The following RLN2 variants were observed in gnomAD, a reference collection of about 807,000 sequenced individuals.
RLN2 encodes the protein prorelaxin H2.
Under a neutral mutation model 7.3 loss-of-function variants are expected in RLN2, and 10 were observed. The observed-to-expected ratio is 1.36, with a 90% CI of 0.84 to 2.31. RLN2 has a LOEUF of 2.31. RLN2 is among the 30% of genes most tolerant of loss of function. The pLI is 0.00. For synonymous variants in RLN2, 103 were observed against 82.3 expected, an observed-to-expected ratio of 1.25 and a Z score of -1.36; for missense variants, 298 against 217.6, an observed-to-expected ratio of 1.37 and a Z score of -2.32.
At chr9:5,335,554 A>C in the RLN2 span, 63 of 1,611,398 alleles carry the variant, frequency 3.9e-5, no homozygotes, top group African/African-American at 6.0e-4. Flanking sequence ...CCAACATGAT[A>C]ATTATAGTTT....
the RLN2 span, among the ~76,000 whole-genome samples, chr9:5,333,852 A>G: frequency 6.6e-6 from 1 of 152,096 alleles, no homozygotes; most frequent in East Asian, 1.9e-4. Context: ...CCAGGATGCA[A>G]GGTTGGTACA....
At chr9:5,325,805 T>C in the RLN2 span, among the ~76,000 whole-genome samples, 14 of 152,092 alleles carry the variant, frequency 9.2e-5, no homozygotes, top group African/African-American at 2.7e-4. Flanking sequence ...GTTCTATAAA[T>C]TCTTTAAGGT....
intron 1 of RLN2, among the ~76,000 whole-genome samples, chr9:5,302,565 G>T (rs1469913275): frequency 1.3e-5 from 2 of 151,996 alleles, no homozygotes; most frequent in Non-Finnish European, 2.9e-5. Flanking sequence ...ATTTTCTGAG[G>T]TTACTTTCAG....
At chr9:5,316,745 G>A in the RLN2 span, among the ~76,000 whole-genome samples, 28 of 151,746 alleles carry the variant, frequency 1.8e-4, no homozygotes, top group Non-Finnish European at 3.4e-4. Flanking sequence ...ATAGTGCTGC[G>A]GTAAACATAC....
Position 5,300,232 on chromosome 9 carries a change from C to G in RLN2, c.424G>C (p.Asp142His). The change falls in exon 2 of 2, where the codon GAC (aspartate) becomes CAC (histidine). Residue 142 changes from aspartate (D) to histidine (H), a missense_variant. By Grantham distance (81) the Asp-to-His change is moderately conservative. Coordinates refer to ENST00000381627, the MANE Select transcript of RLN2 (RefSeq NM_134441.3). ...LIRNRQSEAADSSPSELKYLG... is the reference protein window; with the variant it reads ...LIRNRQSEAAHSSPSELKYLG... ...TATTTTAATTCTGAAGGACTGCTGTCTGCGGCTTCACTTTGTCTATTGCGA... is the reference window on the plus strand; with the variant it reads ...TATTTTAATTCTGAAGGACTGCTGTGTGCGGCTTCACTTTGTCTATTGCGA... 6.2e-7 allele frequency: 1 copy of G among 1,613,996 alleles called. No individual in the cohort carries two copies. The highest frequency in any genetic ancestry group is 8.5e-7 in the Non-Finnish European group (1 of 1,179,922).
chr9:5,320,657 C>T, the RLN2 span, among the ~76,000 whole-genome samples: 1 of 152,066 alleles, frequency 6.6e-6, no homozygotes, highest in Non-Finnish European at 1.5e-5. Context: ...AGGCATGAGC[C>T]ACCATGCCCA....
the RLN2 span, chr9:5,339,325 C>G: frequency 4.4e-6 from 2 of 454,634 alleles, no homozygotes; most frequent in Non-Finnish European, 7.4e-6. Flanking sequence ...TCCCTCCGTC[C>G]GGTGAGATTC....
chr9:5,324,866 A>G, the RLN2 span, among the ~76,000 whole-genome samples: 1 of 152,032 alleles, frequency 6.6e-6, no homozygotes, highest in Admixed American at 6.6e-5. Context: ...AGACACAAAT[A>G]AAAAACTCAA....
the RLN2 span, among the ~76,000 whole-genome samples, chr9:5,313,325 C>T: frequency 7.3e-5 from 11 of 151,492 alleles, no homozygotes; most frequent in Non-Finnish European, 1.3e-4. Context: ...TATATAATGA[C>T]CTTCTTTATC....
the RLN2 span, among the ~76,000 whole-genome samples, chr9:5,332,876 C>T: frequency 6.6e-6 from 1 of 151,890 alleles, no homozygotes; most frequent in Non-Finnish European, 1.5e-5. Context: ...CTCGGCCTCC[C>T]AAAGTACTGG....
At chr9:5,309,566 G>A (rs913072196), upstream of RLN2, among the ~76,000 whole-genome samples, 14 of 151,634 alleles carry the variant, frequency 9.2e-5, no homozygotes, top group African/African-American at 3.2e-4. Flanking sequence ...TCCCTCCTCC[G>A]CCTCTCTTTC....
the RLN2 span, among the ~76,000 whole-genome samples, chr9:5,314,094 C>T: frequency 6.6e-6 from 1 of 151,964 alleles, no homozygotes; most frequent in African/African-American, 2.4e-5. Flanking sequence ...GAGGGAACTC[C>T]CTGGAATCCA....
At chr9:5,314,956 G>A in the RLN2 span, among the ~76,000 whole-genome samples, 1 of 151,750 alleles carries the variant, frequency 6.6e-6, no homozygotes, top group Non-Finnish European at 1.5e-5. Flanking sequence ...CCAATGCTAT[G>A]CCATGCCTTC....
At position 5,304,553 on chromosome 9, in the gene RLN2, G is replaced by T; in HGVS notation, c.28C>A (p.Leu10Ile). Residue 10 changes from leucine to isoleucine, a missense_variant, in exon 1 of 2, where the codon CTA (leucine) becomes ATA (isoleucine). Coordinates refer to ENST00000381627, the MANE Select transcript of RLN2 (RefSeq NM_134441.3). MPRLFFFHL[L>I]GVCLLLNQFS... ...TGGTTCAGTAGTAAACAGACTCCTA[G>T]CAGGTGGAAAAAAAACAGGCGAGGC... is the stretch of plus-strand genomic sequence containing the variant. 1 of 1,613,824 alleles carries T rather than the reference G, an allele frequency of 6.2e-7. No homozygotes were observed. Among genetic ancestry groups the T allele is most frequent in the Non-Finnish European group, 8.5e-7 (1 of 1,179,892 alleles).
chr9:5,312,001 T>C, the RLN2 span, among the ~76,000 whole-genome samples: 14 of 151,840 alleles, frequency 9.2e-5, no homozygotes, highest in African/African-American at 3.2e-4. Context: ...ATGAACAGAA[T>C]TTTATTTTAC....
the RLN2 span, among the ~76,000 whole-genome samples, chr9:5,331,963 G>A: frequency 6.6e-6 from 1 of 151,884 alleles, no homozygotes; most frequent in Non-Finnish European, 1.5e-5. Context: ...TACATGCACA[G>A]TATGCAAATG....
chr9:5,316,189 G>C, the RLN2 span, among the ~76,000 whole-genome samples: 6 of 151,874 alleles, frequency 4.0e-5, no homozygotes, highest in South Asian at 4.2e-4. Context: ...TTGTACATCT[G>C]TACTTATTAA....
chr9:5,304,908 A>G (rs556282582), upstream of RLN2: 53 of 286,210 alleles, frequency 1.9e-4, no homozygotes, highest in African/African-American at 1.1e-3. Context: ...AATTTAGTAT[A>G]CTGAGGTAAA....
At chr9:5,311,589 G>C in the RLN2 span, 1 of 915,120 alleles carries the variant, frequency 1.1e-6, no homozygotes. Flanking sequence ...GCAAAGACAG[G>C]AGAGAAGATA....
Sources: gnomAD v4.1 joint callset for allele counts (sites outside exome capture counted in the v4.1 genomes callset) on GRCh38, gnomAD v4.1.1 for gene constraint, MANE v1.5 for transcripts, NCBI Gene and HGNC (gene_info 2026-07-23, HGNC 2026-07-21) for gene names.